The following CSMD1 variants were observed in gnomAD, a reference collection of about 807,000 sequenced individuals.
CSMD1 encodes CUB and sushi domain-containing protein 1.
Under a neutral mutation model 417.5 loss-of-function variants are expected in CSMD1, and 213 were observed. The ratio of observed to expected loss-of-function variants is 0.51; its 90% CI spans 0.46 to 0.57. The LOEUF is 0.57. Among genes scored for constraint, CSMD1 ranks in the 20% least tolerant of loss-of-function variants. The pLI, the probability that CSMD1 is intolerant of heterozygous loss-of-function variation, is 0.00. For synonymous variants in CSMD1, 2,862 were observed against 1,736.8 expected (o/e 1.65, Z -16.11); for missense variants, 6,923 against 4,529.7 (o/e 1.53, Z -15.17).
intron 7 of CSMD1, among the ~76,000 whole-genome samples, chr8:3,620,656 A>G (rs2117191653): frequency 6.6e-6 from 1 of 152,274 alleles, no homozygotes; most frequent in Middle Eastern, 3.4e-3. Flanking sequence ...AAGTATCTAT[A>G]GAATATGTAA....
At chr8:3,295,869 T>G (rs1395207850) in intron 25 of CSMD1, among the ~76,000 whole-genome samples, 1 of 152,194 alleles carries the variant, frequency 6.6e-6, no homozygotes, top group African/African-American at 2.4e-5. Context: ...CCTTTTTGAT[T>G]TAGTTCAATA....
chr8:3,220,656 C>G (rs945643737), intron 28 of CSMD1, among the ~76,000 whole-genome samples: 1 of 152,146 alleles, frequency 6.6e-6, no homozygotes, highest in African/African-American at 2.4e-5. Context: ...TATGGTGAAA[C>G]CCTCTCTCTA....
intron 49 of CSMD1, among the ~76,000 whole-genome samples, chr8:3,057,605 T>A (rs996155087): frequency 6.6e-6 from 1 of 152,294 alleles, no homozygotes; most frequent in Non-Finnish European, 1.5e-5. Flanking sequence ...TAATTTTCAC[T>A]ACAAGCCTAT....
At chr8:3,412,297 T>C (rs1812861736) in intron 12 of CSMD1, among the ~76,000 whole-genome samples, 2 of 151,920 alleles carry the variant, frequency 1.3e-5, no homozygotes, top group Admixed American at 1.3e-4. Context: ...CTGCTATAAA[T>C]ATGTGTGTGC....
intron 3 of CSMD1, among the ~76,000 whole-genome samples, chr8:4,069,226 C>G (rs1349300246): frequency 6.6e-6 from 1 of 152,120 alleles, no homozygotes; most frequent in African/African-American, 2.4e-5. Context: ...AATTGTCATA[C>G]AGATGAGAAA....
chr8:4,648,059 A>G lies in CSMD1; in HGVS notation c.86-10501T>C, dbSNP rs538008853. On this transcript the variant is annotated intron_variant, in intron 1 of 69. Transcript: ENST00000635120. ...AGTGGAAAAGTGTTTCTATTTCTCC[A>G]CAGTCTCACAAGCATCTGTTGTTTC... Among the ~76,000 whole-genome samples, 8 of 152,294 alleles carry G rather than the reference A, an allele frequency of 5.3e-5. No individual in the cohort carries two copies. In the South Asian group the frequency reaches 1.7e-3, roughly 32 times the overall value.
At chr8:4,980,675 G>C (rs546430929) in intron 1 of CSMD1, among the ~76,000 whole-genome samples, 4 of 152,288 alleles carry the variant, frequency 2.6e-5, no homozygotes, top group Admixed American at 1.3e-4. Flanking sequence ...GGCCAAAGTT[G>C]GTGGATCACT....
intron 3 of CSMD1, among the ~76,000 whole-genome samples, chr8:4,298,725 C>A (rs927728157): frequency 6.6e-6 from 1 of 151,852 alleles, no homozygotes; most frequent in Non-Finnish European, 1.5e-5. Flanking sequence ...TATTTTCTTC[C>A]AACTAGATGT....
At chr8:4,117,055 T>A (rs1257412714) in intron 3 of CSMD1, among the ~76,000 whole-genome samples, 1 of 151,978 alleles carries the variant, frequency 6.6e-6, no homozygotes, top group East Asian at 1.9e-4. Context: ...TGTCAGTAGT[T>A]AACCAGAATG....
chr8:3,816,836 C>G (rs994183332), intron 5 of CSMD1, among the ~76,000 whole-genome samples: 5 of 151,986 alleles, frequency 3.3e-5, no homozygotes, highest in African/African-American at 1.2e-4. Context: ...CAGGTGTCTA[C>G]TAGGGGTTTG....
At chr8:4,066,087 A>G (rs1799231007) in intron 3 of CSMD1, among the ~76,000 whole-genome samples, 1 of 152,206 alleles carries the variant, frequency 6.6e-6, no homozygotes, top group Non-Finnish European at 1.5e-5. Context: ...TTACAAAACA[A>G]TGAAAACAGT....
chr8:3,887,745 G>A (rs1288865766), intron 5 of CSMD1, among the ~76,000 whole-genome samples: 2 of 152,158 alleles, frequency 1.3e-5, no homozygotes, highest in Non-Finnish European at 1.5e-5. Flanking sequence ...AAAAAACTCA[G>A]ATTACTGTAA....
intron 2 of CSMD1, among the ~76,000 whole-genome samples, chr8:4,482,714 A>C (rs187217408): frequency 1.3e-5 from 2 of 152,314 alleles, no homozygotes; most frequent in African/African-American, 4.8e-5. Context: ...TCCCACCAAC[A>C]GTGTAAAAGG....
intron 49 of CSMD1, among the ~76,000 whole-genome samples, chr8:3,070,582 C>G (rs1346278544): frequency 6.6e-6 from 1 of 152,246 alleles, no homozygotes; most frequent in Non-Finnish European, 1.5e-5. Flanking sequence ...GCATAACACA[C>G]ATGACCTTTG....
chr8:3,568,237 C>A (rs1482765512), intron 10 of CSMD1, among the ~76,000 whole-genome samples: 1 of 152,130 alleles, frequency 6.6e-6, no homozygotes. Context: ...ATTTATTTCC[C>A]TAATCAAAGT....
intron 1 of CSMD1, among the ~76,000 whole-genome samples, chr8:4,929,177 C>T (rs1300394736): frequency 2.0e-5 from 3 of 152,112 alleles, no homozygotes; most frequent in African/African-American, 7.2e-5. Context: ...CAGAGAAGCT[C>T]CTGCAAAGGG....
chr8:3,703,549 G>C (rs114050101), intron 7 of CSMD1, among the ~76,000 whole-genome samples: 2 of 152,072 alleles, frequency 1.3e-5, no homozygotes, highest in African/African-American at 4.8e-5. Flanking sequence ...TGTGTGATCT[G>C]TGGGTCATGG....
intron 1 of CSMD1, among the ~76,000 whole-genome samples, chr8:4,837,640 A>C (rs1800577253): frequency 6.6e-6 from 1 of 152,110 alleles, no homozygotes; most frequent in Non-Finnish European, 1.5e-5. Context: ...CTGGGGAGGT[A>C]GGGATAGTTA....
intron 2 of CSMD1, among the ~76,000 whole-genome samples, chr8:4,552,359 G>A (rs1054417690): frequency 5.3e-5 from 8 of 151,674 alleles, no homozygotes; most frequent in South Asian, 2.1e-4. Flanking sequence ...TGGCTTCTGT[G>A]AACTTTAAGG....
Sources: gnomAD v4.1 joint callset for allele counts (sites outside exome capture counted in the v4.1 genomes callset) on GRCh38, gnomAD v4.1.1 for gene constraint, MANE v1.5 for transcripts, NCBI Gene and HGNC (gene_info 2026-07-23, HGNC 2026-07-21) for gene names.